ST6GALNAC3: variants seen among roughly 807,000 people sequenced by gnomAD.
The protein encoded by ST6GALNAC3 is alpha-N-acetylgalactosaminide alpha-2,6-sialyltransferase 3.
ST6GALNAC3 carries 25 observed loss-of-function variants against 32.7 expected under a neutral mutation model. The observed-to-expected ratio is 0.76, with a 90% confidence interval of 0.56 to 1.07. The LOEUF (loss-of-function observed/expected upper bound fraction) is 1.07, where lower values mean the gene tolerates loss of function less well. Among genes scored for constraint, ST6GALNAC3 ranks in the 50% least tolerant of loss-of-function variants. ST6GALNAC3 has a pLI of 0.00. For missense variants in ST6GALNAC3, 355 were observed against 382.4 expected, an observed-to-expected ratio of 0.93 and a Z score of 0.60; for synonymous variants, 129 against 133.1, an observed-to-expected ratio of 0.97 and a Z score of 0.21.
chr1:76,436,674 T>G (rs1025842996), intron 3 of ST6GALNAC3, among the ~76,000 whole-genome samples: 3 of 152,172 alleles, frequency 2.0e-5, no homozygotes, highest in Admixed American at 6.5e-5. Context: ...TCTTACATTA[T>G]ATCATTTAAT....
intron 3 of ST6GALNAC3, among the ~76,000 whole-genome samples, chr1:76,555,694 G>A (rs1292258329): frequency 6.6e-6 from 1 of 151,992 alleles, no homozygotes; most frequent in Non-Finnish European, 1.5e-5. Flanking sequence ...TGTAAAGGAG[G>A]GAGGCAGGAG....
intron 1 of ST6GALNAC3, among the ~76,000 whole-genome samples, chr1:76,229,408 C>G (rs951637164): frequency 1.3e-5 from 2 of 152,162 alleles, no homozygotes; most frequent in Non-Finnish European, 2.9e-5. Context: ...CCTACAGCTT[C>G]CCTGCACCCA....
chr1:76,079,243 G>A (rs1292812450), intron 1 of ST6GALNAC3, among the ~76,000 whole-genome samples: 1 of 152,004 alleles, frequency 6.6e-6, no homozygotes. Flanking sequence ...AAAACTCTTT[G>A]CTTTAATTTG....
chr1:76,335,668 C>T (rs1647414489), intron 2 of ST6GALNAC3, among the ~76,000 whole-genome samples: 1 of 152,164 alleles, frequency 6.6e-6, no homozygotes, highest in African/African-American at 2.4e-5. Context: ...TGATGTCGTT[C>T]AAGGACTTGC....
chr1:76,429,375 A>C (rs1197188345), intron 3 of ST6GALNAC3, among the ~76,000 whole-genome samples: 1 of 152,164 alleles, frequency 6.6e-6, no homozygotes, highest in Non-Finnish European at 1.5e-5. Context: ...AGAAATTTAT[A>C]AATTTCTTAG....
At chr1:76,199,757 A>G (rs959099435) in intron 1 of ST6GALNAC3, among the ~76,000 whole-genome samples, 7 of 152,364 alleles carry the variant, frequency 4.6e-5, no homozygotes, top group African/African-American at 1.4e-4. Context: ...AATAGTTTCA[A>G]TGCTCTTTTA....
intron 3 of ST6GALNAC3, chr1:76,412,875 T>A (rs759467779): frequency 8.9e-6 from 2 of 225,946 alleles, no homozygotes; most frequent in Non-Finnish European, 8.9e-6. Flanking sequence ...TTGTGTAGCT[T>A]CTTGCATGCA....
At chr1:76,276,587 G>A (rs560203541) in intron 1 of ST6GALNAC3, among the ~76,000 whole-genome samples, 121 of 152,118 alleles carry the variant, frequency 8.0e-4, no homozygotes, top group Admixed American at 3.1e-3. Context: ...CTGTTAAGTC[G>A]GCTCTAGTTT....
At chr1:76,154,850 C>T (rs1651291926) in intron 1 of ST6GALNAC3, among the ~76,000 whole-genome samples, 1 of 152,084 alleles carries the variant, frequency 6.6e-6, no homozygotes, top group Admixed American at 6.5e-5. Flanking sequence ...CACCAGGGAG[C>T]GCTACCATTT....
intron 3 of ST6GALNAC3, among the ~76,000 whole-genome samples, chr1:76,542,953 T>G (rs1250380004): frequency 6.6e-6 from 1 of 152,194 alleles, no homozygotes; most frequent in Non-Finnish European, 1.5e-5. Context: ...TCTGCTTTGG[T>G]CCAGATCTCA....
At chr1:76,549,388 A>G (rs1664489688) in intron 3 of ST6GALNAC3, among the ~76,000 whole-genome samples, 1 of 151,966 alleles carries the variant, frequency 6.6e-6, no homozygotes, top group Admixed American at 6.6e-5. Flanking sequence ...GTACATAGTC[A>G]TAGCAATTAC....
intron 1 of ST6GALNAC3, among the ~76,000 whole-genome samples, chr1:76,077,628 T>C (rs1055301533): frequency 6.6e-6 from 1 of 152,166 alleles, no homozygotes; most frequent in Non-Finnish European, 1.5e-5. Context: ...GGAAAACTAA[T>C]GGAAAATAGG....
chr1:76,537,490 G>C (rs1419640682), intron 3 of ST6GALNAC3, among the ~76,000 whole-genome samples: 1 of 152,008 alleles, frequency 6.6e-6, no homozygotes, highest in African/African-American at 2.4e-5. Context: ...GAATGAGATA[G>C]AGACATGAAA....
chr1:76,090,621 G>A (rs1647031334), intron 1 of ST6GALNAC3, among the ~76,000 whole-genome samples: 1 of 152,212 alleles, frequency 6.6e-6, no homozygotes, highest in South Asian at 2.1e-4. Context: ...TTTGAATCAT[G>A]ACTCCACAGG....
intron 2 of ST6GALNAC3, among the ~76,000 whole-genome samples, chr1:76,339,026 A>G (rs1647738282): frequency 6.6e-6 from 1 of 151,582 alleles, no homozygotes; most frequent in Non-Finnish European, 1.5e-5. Context: ...ATCATCCCCA[A>G]CCTTCCTTTC....
At chr1:76,492,778 T>C (rs753233772) in intron 3 of ST6GALNAC3, among the ~76,000 whole-genome samples, 5 of 152,162 alleles carry the variant, frequency 3.3e-5, no homozygotes, top group Non-Finnish European at 7.3e-5. Flanking sequence ...TAAATAAATA[T>C]GTGAGATGAA....
At chr1:76,112,892 G>C (rs1029642174) in intron 1 of ST6GALNAC3, among the ~76,000 whole-genome samples, 1 of 151,636 alleles carries the variant, frequency 6.6e-6, no homozygotes, top group Non-Finnish European at 1.5e-5. Flanking sequence ...CATCCCAGAC[G>C]ATGGGCGGCC....
intron 3 of ST6GALNAC3, among the ~76,000 whole-genome samples, chr1:76,591,964 C>T (rs1231784384): frequency 1.3e-5 from 2 of 152,132 alleles, no homozygotes; most frequent in Admixed American, 1.3e-4. Context: ...CTGAGTGGAT[C>T]AAACATAGCA....
intron 3 of ST6GALNAC3, among the ~76,000 whole-genome samples, chr1:76,552,773 C>A (rs1570241221): frequency 6.6e-6 from 1 of 152,122 alleles, no homozygotes; most frequent in African/African-American, 2.4e-5. Flanking sequence ...CTCCTAACAG[C>A]ATTAAAGAGG....
Sources: allele counts gnomAD v4.1 joint callset (sites outside exome capture counted in the v4.1 genomes callset), GRCh38; gene constraint gnomAD v4.1.1; transcripts MANE v1.5; gene names NCBI Gene and HGNC (gene_info 2026-07-23, HGNC 2026-07-21).